HHLA1: variants seen among roughly 807,000 people sequenced by gnomAD.
HHLA1 encodes HERV-H LTR-associating protein 1.
HHLA1 carries 72 observed loss-of-function variants against 69.9 expected under a neutral mutation model. The observed-to-expected ratio is 1.03, with a 90% CI of 0.85 to 1.25. HHLA1 has a LOEUF of 1.25. HHLA1 is among the 50% of genes most tolerant of loss of function. HHLA1 has a pLI of 0.00. For missense variants in HHLA1, 685 were observed against 642.2 expected, an observed-to-expected ratio of 1.07 and a Z score of -0.72; for synonymous variants, 252 against 233.2, an observed-to-expected ratio of 1.08 and a Z score of -0.73.
chr8:132,106,946 G>A (rs1438809396), intron 1 of HHLA1, among the ~76,000 whole-genome samples: 1 of 152,174 alleles, frequency 6.6e-6, no homozygotes, highest in Non-Finnish European at 1.5e-5. Flanking sequence ...AGCCTCGTGT[G>A]TAGAATGGAC....
Position 132,102,672 on chromosome 8 carries a change from G to A in HHLA1, c.139+1436C>T, listed in dbSNP as rs540237526. On this transcript the variant is annotated intron_variant, in intron 3 of 16. Transcript: ENST00000414222. Reference sequence around the variant, plus strand: ...AGTCCTCCATGCAGGTGAGGGACCAGGATTATGTCAGTTCGGGGTCTCCAG... The same window carrying A: ...AGTCCTCCATGCAGGTGAGGGACCAAGATTATGTCAGTTCGGGGTCTCCAG... Among the ~76,000 whole-genome samples, 171 of 152,202 alleles carry A rather than the reference G, an allele frequency of 1.1e-3. 1 individual carries two copies. Among genetic ancestry groups the A allele is most frequent in the African/African-American group, 3.9e-3 (162 of 41,454 alleles).
chr8:132,069,063 G>C (rs1055135853), intron 15 of HHLA1, among the ~76,000 whole-genome samples: 4 of 152,174 alleles, frequency 2.6e-5, no homozygotes. Context: ...CATATAATAA[G>C]TTACCCAGGT....
intron 15 of HHLA1, among the ~76,000 whole-genome samples, chr8:132,066,850 T>C (rs1422127354): frequency 6.6e-6 from 1 of 152,096 alleles, no homozygotes; most frequent in African/African-American, 2.4e-5. Flanking sequence ...TTTCTGGTGG[T>C]AGTATTGGAT....
At chr8:132,100,408 A>G (rs962394606) in intron 3 of HHLA1, among the ~76,000 whole-genome samples, 23 of 152,316 alleles carry the variant, frequency 1.5e-4, no homozygotes, top group Admixed American at 1.2e-3. Flanking sequence ...TTAACCAAGT[A>G]GGAAAACTGA....
chr8:132,098,981 T>G lies in HHLA1; in HGVS notation c.200-19A>C. ...GGCAGCTCTGAAAGAGATTCAGAGA[T>G]AATGTCACTGGCAGGCTTTTCTCGG... On this transcript the variant is annotated intron_variant, in intron 4 of 16. Coordinates refer to ENST00000414222, the MANE Select transcript of HHLA1 (RefSeq NM_001145095.3). 6.6e-7 allele frequency: 1 copy of G among 1,505,208 alleles called. No homozygotes were observed. The highest frequency in any genetic ancestry group is 9.0e-7 in the Non-Finnish European group (1 of 1,113,872). The allele number at this position is 1,505,208 out of a possible 1,614,324, so 93.2% of individuals were successfully genotyped here.
intron 10 of HHLA1, among the ~76,000 whole-genome samples, chr8:132,085,942 G>A (rs1246872595): frequency 1.3e-5 from 2 of 152,120 alleles, no homozygotes; most frequent in Non-Finnish European, 2.9e-5. Context: ...CAGGCCATCT[G>A]GGCGTATAGG....
Position 132,075,109 on chromosome 8 carries a change from A to C in HHLA1, c.1315+946T>G, listed in dbSNP as rs552080462. On this transcript the variant is annotated intron_variant, in intron 14 of 16. Transcript: ENST00000414222. ...CTTTAGAACTCCTGGGAGAAAAGGG[A>C]TATAATTTCCTTAGTAGCATAATCA... 2.0e-5 allele frequency among the ~76,000 whole-genome samples: 3 copies of C among 152,190 alleles called. No individual in the cohort carries two copies. In the South Asian group the frequency reaches 6.2e-4, roughly 31 times the overall value.
intron 15 of HHLA1, among the ~76,000 whole-genome samples, chr8:132,067,512 A>C (rs1388536364): frequency 4.6e-5 from 7 of 152,120 alleles, no homozygotes. Context: ...ATAGGATGTC[A>C]AGGTTGGCCA....
rs1823363537 is a variant in HHLA1 at position 132,062,115 on chromosome 8, G to A, written c.*1880C>T. The stretch of plus-strand genomic sequence containing the variant: ...AGGTCCTTAATTAATATCCACGCAA[G>A]GGTTGAATCAAATTAATCCATGCTT... On this transcript the variant is annotated 3_prime_UTR_variant, in exon 17 of 17. Coordinates refer to ENST00000414222, the MANE Select transcript of HHLA1 (RefSeq NM_001145095.3). The A allele has an allele frequency of 6.6e-6, 1 of 152,152 alleles. No homozygotes were observed. The highest frequency in any genetic ancestry group is 2.4e-5 in the African/African-American group (1 of 41,418). 9.4% of individuals were successfully genotyped at this position (152,152 alleles called of 1,614,324 possible). A position where few individuals can be genotyped will look rare whatever the true frequency, so the allele number is the denominator to read the frequency against.
rs1329411009 is a variant in HHLA1, at chr8:132,098,942, C to G, written c.220G>C (p.Asp74His). The change falls in exon 5 of 17, where the codon GAT (aspartate) becomes CAT (histidine). Residue 74 changes from aspartate to histidine, a missense_variant. Physicochemically the swap from Asp to His is moderately conservative, Grantham distance 81. Transcript: ENST00000414222. ...TCTGTCAGGTTAAGCGCGGACAGAT[C>G]GATTGACCTTGCGGGCAGCTCTGAA... ...ATTELPARSI[D>H]LSALNLTELV... 2 of 1,550,440 alleles carry G rather than the reference C, an allele frequency of 1.3e-6. No homozygotes were observed. Among genetic ancestry groups the G allele is most frequent in the South Asian group, 1.2e-5 (1 of 83,910 alleles).
In HHLA1 at chr8:132,081,575, T is replaced by C. The variant is rs552044529; in HGVS notation, c.677-1609A>G. Among the ~76,000 whole-genome samples, 3 of 152,288 alleles carry C rather than the reference T, an allele frequency of 2.0e-5. No homozygotes were observed. The East Asian group carries it at 5.8e-4, about 29-fold the overall frequency. ...AAGGCTCATCTGTTATCAGACTGTATTGAGGTGGGAAGGCTTAACTGAGGA... is the reference window on the plus strand; with the variant it reads ...AAGGCTCATCTGTTATCAGACTGTACTGAGGTGGGAAGGCTTAACTGAGGA... On this transcript the variant is annotated intron_variant, in intron 10 of 16. Transcript: ENST00000414222.
rs866611295 is a variant in HHLA1, at chr8:132,101,566, G to T, written c.140-1432C>A. Reference sequence around the variant, plus strand: ...AATTTTATTGAAAAACACTTAACATGAAATCTACCCTATTAATTTTTTTTT... The same window carrying T: ...AATTTTATTGAAAAACACTTAACATTAAATCTACCCTATTAATTTTTTTTT... On this transcript the variant is annotated intron_variant, in intron 3 of 16. Transcript: ENST00000414222. 3.4e-5 allele frequency among the ~76,000 whole-genome samples: 5 copies of T among 146,364 alleles called. 1 individual carries two copies. Among genetic ancestry groups the T allele is most frequent in the Admixed American group, 7.2e-5 (1 of 13,986 alleles).
chr8:132,077,945 A>G lies in HHLA1; in HGVS notation c.952T>C (p.Trp318Arg), dbSNP rs1447635171. Residue 318 changes from tryptophan to arginine, a missense_variant, in exon 12 of 17, where the codon TGG (tryptophan) becomes CGG (arginine). Transcript: ENST00000414222. ...LATRRVARTQ[W>R]LTADRQTWAS... ...CACGTCTGTCTGTCAGCTGTCAACC[A>G]CTGAGTTCTGGCCACCCTCCTGGTA... is the stretch of plus-strand genomic sequence containing the variant. 2 of 1,551,580 alleles carry G rather than the reference A, an allele frequency of 1.3e-6. No individual in the cohort carries two copies. The highest frequency in any genetic ancestry group is 2.4e-5 in the South Asian group (2 of 84,060).
At chr8:132,104,033 A>G (rs1824161666) in intron 3 of HHLA1, 75 bp downstream of exon 3, 1 of 971,210 alleles carries the variant, frequency 1.0e-6, no homozygotes, top group East Asian at 2.6e-5. Context: ...ATCAGTAGAG[A>G]AAGTCAGGCT....
At position 132,079,893 on chromosome 8, in the gene HHLA1, G is replaced by T; in HGVS notation, c.750C>A (p.Ser250Arg). The change falls in exon 11 of 17, where the codon AGC (serine) becomes AGA (arginine). Residue 250 changes from serine (S) to arginine (R), a missense_variant. Physicochemically the swap from Ser to Arg is moderately radical, Grantham distance 110. Transcript: ENST00000414222. Reference protein sequence around the residue: ...TKSQKTLPSTSPGHWTQSTPW... With the variant: ...TKSQKTLPSTRPGHWTQSTPW... ...GTGTGCTCTGGGTCCAGTGTCCGGG[G>T]CTTGTACTTGGTAGTGTTTTCTGGC... 6.4e-7 allele frequency: 1 copy of T among 1,552,220 alleles called. No homozygotes were observed. The highest frequency in any genetic ancestry group is 2.0e-5 in the Admixed American group (1 of 51,006).
intron 12 of HHLA1, among the ~76,000 whole-genome samples, chr8:132,076,844 A>G (rs1364223704): frequency 6.6e-6 from 1 of 152,126 alleles, no homozygotes; most frequent in African/African-American, 2.4e-5. Context: ...GGAAGTGTCC[A>G]ATGTGGGTGA....
At position 132,105,179 on chromosome 8, in the gene HHLA1, A is replaced by G. The variant is rs1265215752; in HGVS notation, c.79+8T>C. ...AACAGACACTTGCAGAACTCCAGCT[A>G]GACCCACCTGTGTTCCAAAGGGACA... On this transcript the variant is annotated splice_region_variant and intron_variant, in intron 2 of 16. Coordinates refer to ENST00000414222, the MANE Select transcript of HHLA1 (RefSeq NM_001145095.3). The G allele has an allele frequency of 6.5e-7, 1 of 1,548,728 alleles. No homozygotes were observed. Among genetic ancestry groups the G allele is most frequent in the Non-Finnish European group, 8.7e-7 (1 of 1,144,154 alleles).
chr8:132,077,609 T>G (rs1365606845), intron 12 of HHLA1, 117 bp downstream of exon 12: 2 of 1,029,150 alleles, frequency 1.9e-6, no homozygotes, highest in Non-Finnish European at 2.8e-6. Context: ...ATGATCATTA[T>G]GTTTTCTTAG....
At chr8:132,065,645 A>G (rs981621024) in intron 16 of HHLA1, among the ~76,000 whole-genome samples, 1 of 152,260 alleles carries the variant, frequency 6.6e-6, no homozygotes, top group Admixed American at 6.5e-5. Context: ...GAGTTCACGC[A>G]GAGAGCAAAA....
Sources: gnomAD v4.1 joint callset for allele counts (sites outside exome capture counted in the v4.1 genomes callset) on GRCh38, gnomAD v4.1.1 for gene constraint, MANE v1.5 for transcripts, NCBI Gene and HGNC (gene_info 2026-07-23, HGNC 2026-07-21) for gene names.